Variants in KANTR observed in about 807,000 individuals in gnomAD.
KANTR encodes the protein KANTR integral membrane protein.
chrX:53,102,882 A>G (rs1421754727), intron 2 of KANTR, among the ~76,000 whole-genome samples: 1 of 110,015 alleles, frequency 9.1e-6, no homozygotes, highest in Non-Finnish European at 1.9e-5. Flanking sequence ...GATCCTTCCA[A>G]TATTTTCATC....
chrX:53,129,235 T>TTGTGTGTGTGTGTGTGTGTGTG (rs57493383), downstream of KANTR, among the ~76,000 whole-genome samples: 9 of 83,360 alleles, frequency 1.1e-4, no homozygotes, highest in African/African-American at 3.0e-4. Flanking sequence ...GCCTGGCTAT[T>TTGTGTGTGTGTGTGTGTGTGTG]TGTGTGTGTG....
chrX:53,104,794 G>C (rs1932928486), intron 2 of KANTR, among the ~76,000 whole-genome samples: 1 of 111,658 alleles, frequency 9.0e-6, no homozygotes, highest in African/African-American at 3.3e-5. Flanking sequence ...TCCTCAGTTG[G>C]TCAGTTCAGT....
chrX:53,139,986 A>G (rs2049435161), intron 2 of KANTR, among the ~76,000 whole-genome samples: 1 of 112,122 alleles, frequency 8.9e-6, no homozygotes, highest in Non-Finnish European at 1.9e-5. Context: ...TTGAAAAGCC[A>G]GCAGTATATG....
At chrX:53,106,154 GC>G (rs1263038252) in intron 2 of KANTR, among the ~76,000 whole-genome samples, 3 of 109,651 alleles carry the variant, frequency 2.7e-5, no homozygotes, top group Admixed American at 1.9e-4. Flanking sequence ...ACCGCGCCTG[GC>G]CAGATAATAT....
At chrX:53,140,786 T>C (rs1364456393) in intron 2 of KANTR, among the ~76,000 whole-genome samples, 2 of 111,964 alleles carry the variant, frequency 1.8e-5, no homozygotes, top group African/African-American at 6.5e-5. Context: ...GGGTGAGAGT[T>C]ATCAATAGTT....
intron 2 of KANTR, among the ~76,000 whole-genome samples, chrX:53,104,052 A>G (rs1239505709): frequency 9.1e-6 from 1 of 110,389 alleles, no homozygotes; most frequent in East Asian, 2.8e-4. Context: ...TTATTTATTT[A>G]TTTTTGAGAC....
intron 1 of KANTR, among the ~76,000 whole-genome samples, chrX:53,095,532 A>G (rs1932839816): frequency 9.0e-6 from 1 of 110,822 alleles, no homozygotes; most frequent in South Asian, 3.8e-4. Context: ...TACACCCATA[A>G]TTCCCTGAAA....
rs782506947 is a variant in KANTR at position 53,098,532 on chromosome X, C to T, written c.-941-940C>T. Among the ~76,000 whole-genome samples the T allele has an allele frequency of 1.1e-4, 12 of 111,611 alleles. No individual in the cohort carries two copies. The South Asian group carries it at 1.1e-3, about 10-fold the overall frequency. On this transcript the variant is annotated intron_variant, in intron 1 of 2. Transcript: ENST00000604062. ...TGATGCTGTTTAATAGCATTTTACC[C>T]GCAGTAGAACTTGTTTCAAAACTGG...
intron 2 of KANTR, among the ~76,000 whole-genome samples, chrX:53,120,554 G>C (rs1933201754): frequency 9.0e-6 from 1 of 110,757 alleles, no homozygotes; most frequent in African/African-American, 3.3e-5. Flanking sequence ...TACATATCTT[G>C]TGTTCGATTT....
At chrX:53,139,188 TCCAGC>T (rs2038033556) in intron 2 of KANTR, among the ~76,000 whole-genome samples, 1 of 99,753 alleles carries the variant, frequency 1.0e-5, no homozygotes, top group African/African-American at 4.0e-5. Flanking sequence ...GCCACTGCTC[TCCAGC>T]CTGGGTGACA....
At chrX:53,099,686 C>T (rs1161210964) in intron 2 of KANTR, 78 bp downstream of exon 2, 1 of 111,753 alleles carries the variant, frequency 8.9e-6, no homozygotes, top group Non-Finnish European at 1.9e-5. Flanking sequence ...CGGCTATAGC[C>T]TTATGAAATG....
At chrX:53,128,781 A>AT (rs782269156), downstream of KANTR, among the ~76,000 whole-genome samples, 2,548 of 108,753 alleles carry the variant, frequency 0.023, 89 homozygotes, top group African/African-American at 0.081. Context: ...CTCTCCAAAG[A>AT]TTTTTTTTTA....
downstream of KANTR, among the ~76,000 whole-genome samples, chrX:53,146,067 A>C (rs12836637): frequency 1.8e-4 from 20 of 111,875 alleles, no homozygotes; most frequent in South Asian, 2.6e-3. Flanking sequence ...AGCAGAAAAA[A>C]CGGAAATTCT....
At chrX:53,118,906 A>G (rs1479815694) in intron 2 of KANTR, among the ~76,000 whole-genome samples, 1 of 111,691 alleles carries the variant, frequency 9.0e-6, no homozygotes, top group Non-Finnish European at 1.9e-5. Context: ...ATGCCTGGCT[A>G]AATCATTTTT....
At chrX:53,115,427 C>T (rs1248954269) in intron 2 of KANTR, among the ~76,000 whole-genome samples, 10 of 112,352 alleles carry the variant, frequency 8.9e-5, no homozygotes, top group African/African-American at 3.2e-4. Flanking sequence ...CTGGGACCCA[C>T]GGCCACCTGG....
intron 2 of KANTR, among the ~76,000 whole-genome samples, chrX:53,122,534 T>C (rs1313675476): frequency 9.0e-6 from 1 of 111,644 alleles, no homozygotes; most frequent in Admixed American, 9.6e-5. Context: ...CACCACTAAC[T>C]TTTCCCTATT....
At chrX:53,122,489 A>G (rs1933239526) in intron 2 of KANTR, among the ~76,000 whole-genome samples, 1 of 111,368 alleles carries the variant, frequency 9.0e-6, no homozygotes, top group Admixed American at 9.6e-5. Context: ...TGATGACAGC[A>G]TGCATCTGTG....
chrX:53,121,860 T>A (rs1933226580), intron 2 of KANTR, among the ~76,000 whole-genome samples: 1 of 111,359 alleles, frequency 9.0e-6, no homozygotes, highest in Admixed American at 9.5e-5. Context: ...CCTTCATCCC[T>A]TGGTTAAGGT....
chrX:53,144,552 C>T (rs1402470012), downstream of KANTR, among the ~76,000 whole-genome samples: 2 of 110,822 alleles, frequency 1.8e-5, no homozygotes, highest in South Asian at 3.8e-4. Flanking sequence ...AAAAATTAGC[C>T]GGGCATGGTG....
Sources: gnomAD v4.1 joint callset for allele counts (sites outside exome capture counted in the v4.1 genomes callset) on GRCh38, gnomAD v4.1.1 for gene constraint, MANE v1.5 for transcripts, NCBI Gene and HGNC (gene_info 2026-07-23, HGNC 2026-07-21) for gene names.